Variants in ARPC1A observed in about 807,000 individuals in gnomAD.
ARPC1A encodes actin-related protein 2/3 complex subunit 1A.
In ARPC1A, 8 loss-of-function variants were observed where a neutral mutation model predicts 46.9. That is an observed-to-expected ratio of 0.17 (90% CI 0.10 to 0.31). The LOEUF (loss-of-function observed/expected upper bound fraction) is 0.31. Ranked by LOEUF, ARPC1A falls within the 10% of genes least tolerant of loss-of-function variation. The pLI, the probability that ARPC1A is intolerant of heterozygous loss-of-function variation, is 1.00. For missense variants in ARPC1A, 286 were observed against 483.6 expected, an observed-to-expected ratio of 0.59 and a Z score of 3.83; for synonymous variants, 152 against 169.0, an observed-to-expected ratio of 0.90 and a Z score of 0.78.
chr7:99,339,479 T>TCA (rs1032749837), intron 3 of ARPC1A, among the ~76,000 whole-genome samples: 1 of 152,064 alleles, frequency 6.6e-6, no homozygotes, highest in Non-Finnish European at 1.5e-5. Flanking sequence ...TGAGCTGTGA[T>TCA]CACACCACTG....
At chr7:99,353,784 T>G in intron 5 of ARPC1A, 125 bp from the exon 6 acceptor site, 6 of 977,042 alleles carry the variant, frequency 6.1e-6, no homozygotes, top group Non-Finnish European at 7.5e-6. Context: ...CAGCTCATGT[T>G]TTATTTTTTT....
At chr7:99,328,483 CAG>C (rs1793088175) in intron 1 of ARPC1A, among the ~76,000 whole-genome samples, 1 of 152,190 alleles carries the variant, frequency 6.6e-6, no homozygotes, top group Non-Finnish European at 1.5e-5. Context: ...CTTGTGATCT[CAG>C]TGGTATATCC....
Position 99,350,631 on chromosome 7 carries a change from C to CTTT in ARPC1A, c.500+1702_500+1704dup, listed in dbSNP as rs540737612. On this transcript the variant is annotated intron_variant, in intron 5 of 9. Coordinates refer to ENST00000262942, the MANE Select transcript of ARPC1A (RefSeq NM_006409.4). Reference sequence around the variant, plus strand: ...ATGGTAGGTTGGGAGATGAGGTGCACTTTTTTTTTTTTTTTTTTTTTTTTT... The same window carrying CTTT: ...ATGGTAGGTTGGGAGATGAGGTGCACTTTTTTTTTTTTTTTTTTTTTTTTTTTT... Among the ~76,000 whole-genome samples the CTTT allele has an allele frequency of 4.0e-3, 270 of 67,544 alleles. 41 individuals carry two copies. Among genetic ancestry groups the CTTT allele is most frequent in the Non-Finnish European group, 5.0e-3 (161 of 32,198 alleles). 44.3% of individuals were successfully genotyped at this position (67,544 alleles called of 152,430 possible). A position where few individuals can be genotyped will look rare whatever the true frequency, so the allele number is the denominator to read the frequency against.
chr7:99,329,191 C>T (rs1034909222), intron 1 of ARPC1A, among the ~76,000 whole-genome samples: 10 of 151,754 alleles, frequency 6.6e-5, no homozygotes, highest in African/African-American at 2.4e-4. Context: ...GTCCCAGCTA[C>T]TCGGGAGGCT....
chr7:99,353,977 C>T lies in ARPC1A; in HGVS notation c.569C>T (p.Pro190Leu), dbSNP rs1793590322. 1.9e-6 allele frequency: 3 copies of T among 1,613,988 alleles called. No individual in the cohort carries two copies. Among genetic ancestry groups the T allele is most frequent in the South Asian group, 1.1e-5 (1 of 91,074 alleles). Reference protein sequence around the residue: ...PASTPWGSKMPFGQLMSEFGG... With the variant: ...PASTPWGSKMLFGQLMSEFGG... ...AGCACGCCCTGGGGCAGCAAGATGC[C>T]TTTTGGGCAGCTGATGTCAGAGTTT... Residue 190 changes from proline (P) to leucine (L), a missense_variant, in exon 6 of 10, where the codon CCT (proline) becomes CTT (leucine). By Grantham distance (98) the Pro-to-Leu change is moderately conservative. Transcript: ENST00000262942.
intron 4 of ARPC1A, among the ~76,000 whole-genome samples, chr7:99,345,573 A>T: frequency 6.6e-6 from 1 of 152,052 alleles, no homozygotes; most frequent in Non-Finnish European, 1.5e-5. Flanking sequence ...CAGGAGAATT[A>T]CTTGAACTCG....
chr7:99,336,541 G>T (rs1235156670), intron 2 of ARPC1A, among the ~76,000 whole-genome samples: 1 of 144,650 alleles, frequency 6.9e-6, no homozygotes, highest in East Asian at 2.1e-4. Flanking sequence ...ACCCAGGCTG[G>T]AGTGCAGTGA....
intron 9 of ARPC1A, among the ~76,000 whole-genome samples, chr7:99,364,666 A>G (rs1040019558): frequency 6.6e-6 from 1 of 152,158 alleles, no homozygotes; most frequent in African/African-American, 2.4e-5. Context: ...TTATTCATTG[A>G]GGAAAAATGG....
chr7:99,334,908 A>G (rs1199129068), intron 2 of ARPC1A, among the ~76,000 whole-genome samples: 2 of 151,968 alleles, frequency 1.3e-5, no homozygotes, highest in South Asian at 2.1e-4. Flanking sequence ...CAGTGGCACA[A>G]TCTTGGCCCA....
chr7:99,362,684 G>A (rs1354137947), intron 8 of ARPC1A, among the ~76,000 whole-genome samples: 1 of 151,756 alleles, frequency 6.6e-6, no homozygotes, highest in Non-Finnish European at 1.5e-5. Context: ...GGCTGTACGG[G>A]CATAGGCAGT....
At chr7:99,345,698 G>A (rs1793433306) in intron 4 of ARPC1A, among the ~76,000 whole-genome samples, 1 of 151,994 alleles carries the variant, frequency 6.6e-6, no homozygotes, top group Non-Finnish European at 1.5e-5. Flanking sequence ...CATGTGTTCA[G>A]CATGACTGGT....
chr7:99,359,509 G>T (rs3815219), intron 7 of ARPC1A, 36 bp from the exon 8 acceptor site: 2 of 1,609,570 alleles, frequency 1.2e-6, no homozygotes, highest in East Asian at 4.5e-5. Context: ...GCGGTGGGCA[G>T]TGCATCCTCC....
chr7:99,341,750 C>A (rs1003931157), intron 3 of ARPC1A, among the ~76,000 whole-genome samples: 6 of 152,004 alleles, frequency 3.9e-5, no homozygotes, highest in African/African-American at 1.4e-4. Context: ...CCCTCTACTT[C>A]TCTTTTGGGG....
chr7:99,365,717 C>T (rs10268984), intron 9 of ARPC1A, among the ~76,000 whole-genome samples, 174 bp from the exon 10 acceptor site: 33,107 of 151,954 alleles, frequency 0.22, 7,611 homozygotes, highest in African/African-American at 0.59. Flanking sequence ...GGGGGAGCCC[C>T]GGCCTGGAGT....
chr7:99,330,296 TC>T (rs529561484), intron 1 of ARPC1A, among the ~76,000 whole-genome samples: 75 of 150,746 alleles, frequency 5.0e-4, no homozygotes, highest in Middle Eastern at 3.4e-3. Flanking sequence ...ACCTTTGGGT[TC>T]CCCCCCCCTT....
intron 2 of ARPC1A, among the ~76,000 whole-genome samples, chr7:99,335,841 T>C (rs942705946): frequency 6.6e-6 from 1 of 151,952 alleles, no homozygotes; most frequent in Non-Finnish European, 1.5e-5. Context: ...GTAGTCCCAG[T>C]TACTCGGGAG....
chr7:99,346,907 A>T (rs1354327371), intron 4 of ARPC1A, among the ~76,000 whole-genome samples: 2 of 152,104 alleles, frequency 1.3e-5, no homozygotes, highest in African/African-American at 4.8e-5. Flanking sequence ...TGAACCAGGG[A>T]GGTAGAGGTT....
At chr7:99,353,727 C>A (rs998175453) in intron 5 of ARPC1A, among the ~76,000 whole-genome samples, 182 bp from the exon 6 acceptor site, 1 of 151,702 alleles carries the variant, frequency 6.6e-6, no homozygotes, top group Non-Finnish European at 1.5e-5. Context: ...GATCCACCCA[C>A]CTAGGCCTCC....
At chr7:99,348,503 T>C (rs1793498439) in intron 4 of ARPC1A, among the ~76,000 whole-genome samples, 1 of 152,114 alleles carries the variant, frequency 6.6e-6, no homozygotes, top group South Asian at 2.1e-4. Flanking sequence ...GCCCCAGAGT[T>C]TGAGACCAGC....
Sources: gnomAD v4.1 joint callset for allele counts (sites outside exome capture counted in the v4.1 genomes callset) on GRCh38, gnomAD v4.1.1 for gene constraint, MANE v1.5 for transcripts, NCBI Gene and HGNC (gene_info 2026-07-23, HGNC 2026-07-21) for gene names.